THSD4: variants seen among roughly 807,000 people sequenced by gnomAD.
THSD4 encodes thrombospondin type 1 domain containing 4, also known as thrombospondin type-1 domain-containing protein 4.
A neutral mutation model predicts 119.0 loss-of-function variants in THSD4; 69 were observed. That is an observed-to-expected ratio of 0.58 (90% CI 0.48 to 0.71). The LOEUF is 0.71. THSD4 is among the 30% of genes least tolerant of loss of function. THSD4 has a pLI of 0.00. For synonymous variants in THSD4, 524 were observed against 540.4 expected (o/e 0.97, Z 0.42); for missense variants, 1,393 against 1,391.1 (o/e 1.00, Z -0.02).
chr15:71,450,487 A>G (rs2047247516), intron 7 of THSD4, among the ~76,000 whole-genome samples: 1 of 152,206 alleles, frequency 6.6e-6, no homozygotes, highest in African/African-American at 2.4e-5. Context: ...ATCACTTACA[A>G]GTTGTGTGCT....
chr15:71,200,137 C>T (rs12899576), intron 3 of THSD4, among the ~76,000 whole-genome samples: 71,418 of 151,862 alleles, frequency 0.47, 19,030 homozygotes, highest in Non-Finnish European at 0.59. Flanking sequence ...CATTCCTGGG[C>T]GCAGCATGCT....
chr15:71,695,070 C>T (rs1044507046), intron 8 of THSD4, among the ~76,000 whole-genome samples: 29 of 152,190 alleles, frequency 1.9e-4, no homozygotes, highest in Admixed American at 7.2e-4. Context: ...CCACGGAATA[C>T]GCATATAGCT....
chr15:71,321,355 G>A (rs150295875), intron 6 of THSD4, among the ~76,000 whole-genome samples: 2 of 152,270 alleles, frequency 1.3e-5, no homozygotes, highest in African/African-American at 4.8e-5. Context: ...GGCCAACATG[G>A]TAAAACCCTG....
chr15:71,553,326 CTT>C (rs11288031), intron 7 of THSD4, among the ~76,000 whole-genome samples: 154 of 133,446 alleles, frequency 1.2e-3, no homozygotes, highest in Middle Eastern at 4.1e-3. Context: ...TTCTACTAGA[CTT>C]TTTTTTTTTT....
chr15:71,632,194 C>G (rs1165150052), intron 7 of THSD4, among the ~76,000 whole-genome samples: 2 of 152,186 alleles, frequency 1.3e-5, no homozygotes, highest in Non-Finnish European at 2.9e-5. Flanking sequence ...GTCCTGTTTC[C>G]TTCTCTTCCT....
At chr15:71,284,457 C>T (rs960863519) in intron 6 of THSD4, among the ~76,000 whole-genome samples, 6 of 152,178 alleles carry the variant, frequency 3.9e-5, no homozygotes, top group African/African-American at 1.4e-4. Flanking sequence ...GCTACATTTT[C>T]AGGCATAGGA....
At chr15:71,232,693 C>T (rs115120000) in intron 4 of THSD4, among the ~76,000 whole-genome samples, 2 of 152,090 alleles carry the variant, frequency 1.3e-5, no homozygotes, top group Middle Eastern at 3.4e-3. Context: ...GGAAGGGAGA[C>T]GAAGACCGGA....
intron 8 of THSD4, among the ~76,000 whole-genome samples, chr15:71,682,129 T>TA (rs2051795356): frequency 6.6e-6 from 1 of 152,190 alleles, no homozygotes; most frequent in African/African-American, 2.4e-5. Context: ...CTGAATTCAT[T>TA]ACAATTAAGT....
chr15:71,712,829 A>G (rs956622275), intron 8 of THSD4, among the ~76,000 whole-genome samples: 4 of 152,240 alleles, frequency 2.6e-5, no homozygotes, highest in Non-Finnish European at 5.9e-5. Flanking sequence ...AGCCAGACTC[A>G]AAAGACTACA....
intron 15 of THSD4, among the ~76,000 whole-genome samples, chr15:71,758,327 C>T (rs1410693101): frequency 2.0e-5 from 3 of 152,234 alleles, no homozygotes; most frequent in African/African-American, 4.8e-5. Context: ...TCTCTGCCCT[C>T]AGGGGGCTTA....
chr15:71,363,212 A>G (rs1215173310), intron 6 of THSD4, among the ~76,000 whole-genome samples: 2 of 152,140 alleles, frequency 1.3e-5, no homozygotes, highest in African/African-American at 2.4e-5. Flanking sequence ...CAACTACCCA[A>G]CTCTGCTGTG....
At chr15:71,630,432 A>AC (rs1567071530) in intron 7 of THSD4, among the ~76,000 whole-genome samples, 1 of 152,124 alleles carries the variant, frequency 6.6e-6, no homozygotes, top group African/African-American at 2.4e-5. Flanking sequence ...TTTATATTTT[A>AC]CCCCCAATTT....
At chr15:71,700,834 A>T (rs1027317001) in intron 8 of THSD4, among the ~76,000 whole-genome samples, 1 of 152,134 alleles carries the variant, frequency 6.6e-6, no homozygotes, top group South Asian at 2.1e-4. Flanking sequence ...AATAATTATT[A>T]TTAAAAAATA....
intron 7 of THSD4, among the ~76,000 whole-genome samples, chr15:71,461,894 T>C (rs900433270): frequency 6.6e-6 from 1 of 152,024 alleles, no homozygotes; most frequent in African/African-American, 2.4e-5. Flanking sequence ...TTTGTTGCCA[T>C]CCTGGAGTGC....
chr15:71,152,370 C>T (rs562764584), intron 2 of THSD4, among the ~76,000 whole-genome samples: 18 of 151,006 alleles, frequency 1.2e-4, no homozygotes, highest in East Asian at 3.9e-4. Context: ...TGCAGTGAGC[C>T]GAGATCAAGC....
At chr15:71,591,438 A>G (rs1176725272) in intron 7 of THSD4, among the ~76,000 whole-genome samples, 2 of 152,208 alleles carry the variant, frequency 1.3e-5, no homozygotes, top group Non-Finnish European at 2.9e-5. Flanking sequence ...AGACAGCTTC[A>G]CTTCTCACAC....
intron 3 of THSD4, 114 bp from the exon 4 acceptor site, chr15:71,214,921 T>G: frequency 1.7e-6 from 2 of 1,201,154 alleles, no homozygotes; most frequent in Non-Finnish European, 2.1e-6. Context: ...AATACTTATC[T>G]TTGAAACAGA....
intron 7 of THSD4, among the ~76,000 whole-genome samples, chr15:71,542,602 G>A (rs2048774278): frequency 6.6e-6 from 1 of 152,128 alleles, no homozygotes; most frequent in South Asian, 2.1e-4. Context: ...ATTGGGCCGG[G>A]CACAGTGTCT....
chr15:71,582,596 G>A (rs2049580708), intron 7 of THSD4, among the ~76,000 whole-genome samples: 1 of 152,096 alleles, frequency 6.6e-6, no homozygotes, highest in South Asian at 2.1e-4. Flanking sequence ...TGTCACTATT[G>A]AGTATGGCTT....
Sources: allele counts gnomAD v4.1 joint callset (sites outside exome capture counted in the v4.1 genomes callset), GRCh38; gene constraint gnomAD v4.1.1; transcripts MANE v1.5; gene names NCBI Gene and HGNC (gene_info 2026-07-23, HGNC 2026-07-21).